The following PLAGL1 variants were observed in gnomAD, a reference collection of about 807,000 sequenced individuals.
PLAGL1 encodes zinc finger protein PLAGL1.
In PLAGL1, 1 loss-of-function variant was observed where a neutral mutation model predicts 4.6. The observed-to-expected ratio is 0.22, with a 90% CI of 0.08 to 1.03. The LOEUF is 1.03. Among genes scored for constraint, PLAGL1 ranks in the 50% least tolerant of loss-of-function variants. The probability of loss-of-function intolerance (pLI) is 0.58; values close to 1 mark genes in which losing one functional copy is unlikely to be tolerated. For synonymous variants in PLAGL1, 240 were observed against 237.8 expected (o/e 1.01, Z -0.08); for missense variants, 464 against 570.4 (o/e 0.81, Z 1.90).
rs1325967586 is a variant in PLAGL1 at position 144,013,478 on chromosome 6, T to C, written c.-150-44500A>G. On this transcript the variant is annotated intron_variant, in intron 1 of 3. Coordinates refer to the PLAGL1 transcript ENST00000437412. This position sits in a 1 kb window ranked among gnomAD's most constrained non-coding sequence, Gnocchi z 4.4. ...CTTCCTTAGCCAGATAGTGGCTATA[T>C]TTTATCCTATAGCTGCCATAACAAA... is the stretch of plus-strand genomic sequence containing the variant. Among the ~76,000 whole-genome samples the C allele has an allele frequency of 6.6e-6, 1 of 152,250 alleles. No homozygotes were observed. The highest frequency in any genetic ancestry group is 1.5e-5 in the Non-Finnish European group (1 of 68,038).
intron 1 of PLAGL1, among the ~76,000 whole-genome samples, chr6:144,019,980 TG>T (rs1795854049): frequency 1.3e-5 from 2 of 152,144 alleles, no homozygotes; most frequent in Non-Finnish European, 2.9e-5. Context: ...ATTAGTATAT[TG>T]AAATCATAAT....
intron 1 of PLAGL1, among the ~76,000 whole-genome samples, chr6:144,062,451 C>T (rs1799490325): frequency 8.6e-6 from 1 of 116,256 alleles, no homozygotes; most frequent in African/African-American, 3.3e-5. Flanking sequence ...CACATAATTA[C>T]ACTAGAATGT....
rs1797238145 is a variant in PLAGL1, at chr6:144,036,325, C to T, written c.-151+28143G>A. Among the ~76,000 whole-genome samples the T allele has an allele frequency of 6.6e-6, 1 of 152,200 alleles. No individual in the cohort carries two copies. The highest frequency in any genetic ancestry group is 1.5e-5 in the Non-Finnish European group (1 of 68,036). On this transcript the variant is annotated intron_variant, in intron 1 of 3. Coordinates refer to the PLAGL1 transcript ENST00000437412. The surrounding 1 kb of genome is among the most constrained non-coding windows in gnomAD (Gnocchi z 5.1). ...TCCTGAGGAAATCAGCTGTGAAATA[C>T]ACAGACTTTGTGCAGAGAAGTGGTG...
rs1017758101 is a variant in PLAGL1, at chr6:144,059,747, C to T, written c.-151+4721G>A. ...CTGGCTGCATTAAGCTTTGTCTTGCCATTAATAATATTTTCCATCCCTGAG... is the reference window on the plus strand; with the variant it reads ...CTGGCTGCATTAAGCTTTGTCTTGCTATTAATAATATTTTCCATCCCTGAG... On this transcript the variant is annotated intron_variant, in intron 1 of 3. Coordinates refer to the PLAGL1 transcript ENST00000437412. The surrounding 1 kb of genome is among the most constrained non-coding windows in gnomAD (Gnocchi z 4.9). Among the ~76,000 whole-genome samples the T allele has an allele frequency of 2.6e-5, 4 of 152,164 alleles. No individual in the cohort carries two copies. The highest frequency in any genetic ancestry group is 2.0e-4 in the Admixed American group (3 of 15,276).
At chr6:144,037,690 C>T (rs1294646821) in intron 1 of PLAGL1, 3 of 74,024 alleles carry the variant, frequency 4.1e-5, no homozygotes, top group African/African-American at 1.5e-4. Flanking sequence ...CAATGCATAT[C>T]AACATTATGA....
intron 1 of PLAGL1, among the ~76,000 whole-genome samples, chr6:144,043,964 T>C (rs1797933531): frequency 6.6e-6 from 1 of 152,236 alleles, no homozygotes; most frequent in African/African-American, 2.4e-5. Flanking sequence ...TTTATTTGCA[T>C]AGAGGTGGTT....
At chr6:143,992,907 G>A (rs1178497557) in intron 1 of PLAGL1, among the ~76,000 whole-genome samples, 2 of 152,006 alleles carry the variant, frequency 1.3e-5, no homozygotes, top group Non-Finnish European at 2.9e-5. Context: ...GAACCTGGGA[G>A]GTGGAGGTTG....
In PLAGL1 at chr6:143,940,682, TTGAC is replaced by T. The variant is rs909262834; in HGVS notation, c.*738_*741del. Reference sequence around the variant, plus strand: ...CAATATTAAAGTCAGCAAAATGCCTTTGACTGACGCCTGGATTATTTTACCACTT... The same window carrying T: ...CAATATTAAAGTCAGCAAAATGCCTTTGACGCCTGGATTATTTTACCACTT... On this transcript the variant is annotated 3_prime_UTR_variant, in exon 8 of 8. Transcript: ENST00000674357. 3 of 152,506 alleles carry T rather than the reference TTGAC, an allele frequency of 2.0e-5. No individual in the cohort carries two copies. Among genetic ancestry groups the T allele is most frequent in the African/African-American group, 7.2e-5 (3 of 41,444 alleles). The allele number at this position is 152,506 out of a possible 1,614,324, so 9.4% of individuals were successfully genotyped here. A position where few individuals can be genotyped will look rare whatever the true frequency, so the allele number is the denominator to read the frequency against.
chr6:144,057,570 G>A lies in PLAGL1; in HGVS notation c.-151+6898C>T, dbSNP rs79752271. On this transcript the variant is annotated intron_variant, in intron 1 of 3. Coordinates refer to the PLAGL1 transcript ENST00000437412. ...ACTGGTGCCATTTCCCAATGTACTC[G>A]AAAGATTCCAAACCCACAAGCTGAT... is the stretch of plus-strand genomic sequence containing the variant. Among the ~76,000 whole-genome samples, 258 of 152,192 alleles carry A rather than the reference G, an allele frequency of 1.7e-3. 5 individuals are homozygous for A. In the East Asian group the frequency reaches 0.038, roughly 22 times the overall value.
chr6:144,042,109 C>T (rs1213431621), intron 1 of PLAGL1, among the ~76,000 whole-genome samples: 2 of 152,044 alleles, frequency 1.3e-5, no homozygotes, highest in African/African-American at 4.8e-5. Flanking sequence ...CAAAAATTTT[C>T]TCCCATTCTG....
rs1264053877 is a variant in PLAGL1, at chr6:144,015,081, C to G, written c.-150-46103G>C. On this transcript the variant is annotated intron_variant, in intron 1 of 3. Transcript: ENST00000437412. This position sits in a 1 kb window ranked among gnomAD's most constrained non-coding sequence, Gnocchi z 4.3. ...ACTTCTGGAATCACCTTGTTCAATA[C>G]AGTACCCATAAGCCATGTATGGCTA... 6.6e-6 allele frequency among the ~76,000 whole-genome samples: 1 copy of G among 152,186 alleles called. No individual in the cohort carries two copies. The highest frequency in any genetic ancestry group is 1.5e-5 in the Non-Finnish European group (1 of 68,034).
chr6:143,941,302 G>A lies in PLAGL1; in HGVS notation c.*122C>T. The A allele has an allele frequency of 1.5e-6, 1 of 684,542 alleles. No individual in the cohort carries two copies. Among genetic ancestry groups the A allele is most frequent in the African/African-American group, 1.8e-5 (1 of 55,626 alleles). 42.4% of individuals were successfully genotyped at this position (684,542 alleles called of 1,614,324 possible). A position where few individuals can be genotyped will look rare whatever the true frequency, so the allele number is the denominator to read the frequency against. The stretch of plus-strand genomic sequence containing the variant: ...AGAATTCTCTTATCATCTCAAGCCA[G>A]TCATCACTGAATAAGCCATAGTCCC... On this transcript the variant is annotated 3_prime_UTR_variant, in exon 8 of 8. Transcript: ENST00000674357. The surrounding 1 kb of genome is among the most constrained non-coding windows in gnomAD (Gnocchi z 6.0).
chr6:143,966,653 C>A lies in PLAGL1; in HGVS notation c.-471-455G>T, dbSNP rs1784475516. On this transcript the variant is annotated intron_variant, in intron 3 of 7. Transcript: ENST00000674357. This position sits in a 1 kb window ranked among gnomAD's most constrained non-coding sequence, Gnocchi z 6.0. ...TGCTGGAACAAAAAGGGAAAAATTA[C>A]CTTGGTAAATGCCACATCATGGATC... 6.6e-6 allele frequency: 1 copy of A among 152,118 alleles called. No individual in the cohort carries two copies. The highest frequency in any genetic ancestry group is 2.4e-5 in the African/African-American group (1 of 41,416). The allele number at this position is 152,118 out of a possible 1,614,324, so 9.4% of individuals were successfully genotyped here. A position where few individuals can be genotyped will look rare whatever the true frequency, so the allele number is the denominator to read the frequency against.
At chr6:144,021,699 G>A (rs1795989625) in intron 1 of PLAGL1, among the ~76,000 whole-genome samples, 1 of 152,116 alleles carries the variant, frequency 6.6e-6, no homozygotes, top group African/African-American at 2.4e-5. Flanking sequence ...ATTCTGGAAG[G>A]CCATCATTAC....
chr6:143,942,314 G>A lies in PLAGL1; in HGVS notation c.502C>T (p.Arg168Trp). The change falls in exon 8 of 8, where the codon CGG becomes TGG. Residue 168 changes from arginine (R) to tryptophan (W), a missense_variant. By Grantham distance (101) the Arg-to-Trp change is moderately radical (BLOSUM62 -3). Transcript: ENST00000674357. This position sits in a 1 kb window ranked among gnomAD's most constrained non-coding sequence, Gnocchi z 7.6. ...ACCAGGTGGCGTCGCACATCCTTCCGGGTGTAGAAGCATCTTTCACAGTGG... is the reference window on the plus strand; with the variant it reads ...ACCAGGTGGCGTCGCACATCCTTCCAGGTGTAGAAGCATCTTTCACAGTGG... Reference protein sequence around the residue: ...CDHCERCFYTRKDVRRHLVVH... With the variant: ...CDHCERCFYTWKDVRRHLVVH... 6.2e-7 allele frequency: 1 copy of A among 1,614,062 alleles called. No homozygotes were observed. Among genetic ancestry groups the A allele is most frequent in the Non-Finnish European group, 8.5e-7 (1 of 1,179,980 alleles).
chr6:143,960,118 G>C lies in PLAGL1; in HGVS notation c.-325+351C>G, dbSNP rs1432694131. 6.6e-6 allele frequency among the ~76,000 whole-genome samples: 1 copy of C among 152,212 alleles called. No individual in the cohort carries two copies. Among genetic ancestry groups the C allele is most frequent in the Non-Finnish European group, 1.5e-5 (1 of 68,046 alleles). On this transcript the variant is annotated intron_variant, in intron 6 of 7. Coordinates refer to ENST00000674357, the MANE Select transcript of PLAGL1 (RefSeq NM_001317162.2). This position sits in a 1 kb window ranked among gnomAD's most constrained non-coding sequence, Gnocchi z 5.7. The stretch of plus-strand genomic sequence containing the variant: ...TACACATCTTATGTACACAAGTTAG[G>C]AGTGTTGGCAGGGGCAGCTTTCTTC...
In PLAGL1 at chr6:143,973,508, C is replaced by G. The variant is rs964479832; in HGVS notation, c.-543-4530G>C. Among the ~76,000 whole-genome samples, 8 of 152,198 alleles carry G rather than the reference C, an allele frequency of 5.3e-5. No individual in the cohort carries two copies. The highest frequency in any genetic ancestry group is 1.7e-4 in the African/African-American group (7 of 41,446). Reference sequence around the variant, plus strand: ...GGAAGTCCTCTGCTTCTAGGGCCTGCTGAGCTTCAATGGCCCCCTGACATT... The same window carrying G: ...GGAAGTCCTCTGCTTCTAGGGCCTGGTGAGCTTCAATGGCCCCCTGACATT... On this transcript the variant is annotated intron_variant, in intron 2 of 7. Transcript: ENST00000674357. The surrounding 1 kb of genome is among the most constrained non-coding windows in gnomAD (Gnocchi z 6.2).
upstream of PLAGL1, chr6:144,008,794 G>A (rs1404584977): frequency 6.6e-6 from 1 of 152,288 alleles, no homozygotes; most frequent in African/African-American, 2.4e-5. The surrounding 1 kb of genome is among the most constrained non-coding windows in gnomAD (Gnocchi z 6.9). Context: ...CCGTGAGCCA[G>A]GCACTGTCCT....
intron 1 of PLAGL1, among the ~76,000 whole-genome samples, chr6:143,992,623 T>G (rs2128634123): frequency 6.6e-6 from 1 of 152,362 alleles, no homozygotes. Flanking sequence ...GTAAAACATT[T>G]GCCTCTGCTA....
Sources: gnomAD v4.1 joint callset for allele counts (sites outside exome capture counted in the v4.1 genomes callset) on GRCh38, gnomAD v4.1.1 for gene constraint, Gnocchi (gnomAD v3.1) non-coding constraint, MANE v1.5 for transcripts, NCBI Gene and HGNC (gene_info 2026-07-23, HGNC 2026-07-21) for gene names.